The following ZNF518A variants were observed in gnomAD, a reference collection of about 807,000 sequenced individuals.
ZNF518A encodes zinc finger protein 518.
Under a neutral mutation model 102.7 loss-of-function variants are expected in ZNF518A, and 47 were observed. That is an observed-to-expected ratio of 0.46 (90% CI 0.36 to 0.58). The LOEUF (loss-of-function observed/expected upper bound fraction) is 0.58, where lower values mean the gene tolerates loss of function less well. Among genes scored for constraint, ZNF518A ranks in the 20% least tolerant of loss-of-function variants. The probability of loss-of-function intolerance (pLI) is 0.00; values close to 1 mark genes in which losing one functional copy is unlikely to be tolerated. For synonymous variants in ZNF518A, 652 were observed against 594.6 expected (o/e 1.10, Z -1.40); for missense variants, 1,793 against 1,699.8 (o/e 1.05, Z -0.96).
rs1554885007 is a variant in ZNF518A, at chr10:96,158,710, T to C, written c.2388T>C (p.Asp796=). The change falls in exon 6 of 6, where the codon GAT becomes GAC. Residue 796 remains aspartate (D), a synonymous_variant. Transcript: ENST00000316045. ...AGGATGTATTGAAAATAAAACCTGA[T>C]GTAAAACAAGACTCTAGTAACACTC... ...LLQDVLKIKP[D]VKQDSSNTPN... 1 of 1,613,450 alleles carries C rather than the reference T, an allele frequency of 6.2e-7. No homozygotes were observed.
chr10:96,131,538 C>G (rs782386560), intron 1 of ZNF518A, among the ~76,000 whole-genome samples: 9 of 152,090 alleles, frequency 5.9e-5, no homozygotes, highest in Non-Finnish European at 1.0e-4. Context: ...GCCATAGAAA[C>G]TGTAAATTAG....
downstream of ZNF518A, among the ~76,000 whole-genome samples, chr10:96,166,252 C>G (rs1306602039): frequency 2.6e-5 from 4 of 152,264 alleles, no homozygotes; most frequent in South Asian, 6.2e-4. Flanking sequence ...GGCTCACATA[C>G]CAGTCTCTGA....
intron 1 of ZNF518A, among the ~76,000 whole-genome samples, chr10:96,178,197 A>G (rs1250878241): frequency 1.3e-5 from 2 of 152,116 alleles, no homozygotes; most frequent in African/African-American, 4.8e-5. Context: ...TCCATGTAGA[A>G]CATCCACTAA....
At position 96,130,644 on chromosome 10, in the gene ZNF518A, G is replaced by C. The variant is rs587758274; in HGVS notation, c.-561G>C. On this transcript the variant is annotated 5_prime_UTR_variant, in exon 1 of 6. Transcript: ENST00000316045. ...CCTCGAGCTATAGGTTCGCAGGCCCGACTCGACGGCGTCCCTATTGCTGGC... is the reference window on the plus strand; with the variant it reads ...CCTCGAGCTATAGGTTCGCAGGCCCCACTCGACGGCGTCCCTATTGCTGGC... 2 of 152,470 alleles carry C rather than the reference G, an allele frequency of 1.3e-5. No individual in the cohort carries two copies. The highest frequency in any genetic ancestry group is 2.9e-5 in the Non-Finnish European group (2 of 68,138). The allele number at this position is 152,470 out of a possible 1,614,324, so 9.4% of individuals were successfully genotyped here. A position where few individuals can be genotyped will look rare whatever the true frequency, so the allele number is the denominator to read the frequency against.
chr10:96,157,157 A>C lies in ZNF518A; in HGVS notation c.835A>C (p.Arg279=), dbSNP rs2082733069. Residue 279 remains arginine, a synonymous_variant, in exon 6 of 6, where the codon AGA becomes CGA. Transcript: ENST00000316045. ...YGATRREHLV[R]HVITLHKEHL... ...TGCCACCAGGAGAGAACACCTTGTA[A>C]GACATGTTATAACTTTGCACAAAGA... The C allele has an allele frequency of 6.2e-7, 1 of 1,613,534 alleles. No individual in the cohort carries two copies. The highest frequency in any genetic ancestry group is 8.5e-7 in the Non-Finnish European group (1 of 1,179,728).
At chr10:96,182,405 G>T (rs1171109426) in intron 1 of ZNF518A, among the ~76,000 whole-genome samples, 1 of 152,160 alleles carries the variant, frequency 6.6e-6, no homozygotes, top group Non-Finnish European at 1.5e-5. Flanking sequence ...TCCCTGTCTT[G>T]TGCCAGTTTT....
intron 1 of ZNF518A, among the ~76,000 whole-genome samples, chr10:96,186,540 G>A (rs1158889464): frequency 1.3e-5 from 2 of 152,088 alleles, no homozygotes; most frequent in African/African-American, 2.4e-5. Flanking sequence ...TGGGACTACA[G>A]GTATGTACCA....
Position 96,150,435 on chromosome 10 carries a change from AT to A in ZNF518A, c.-301-4886del, listed in dbSNP as rs587601068. Among the ~76,000 whole-genome samples, 250 of 150,176 alleles carry A rather than the reference AT, an allele frequency of 1.7e-3. 1 individual carries two copies. Among genetic ancestry groups the A allele is most frequent in the South Asian group, 7.9e-3 (38 of 4,788 alleles). On this transcript the variant is annotated intron_variant, in intron 3 of 5. Coordinates refer to ENST00000316045, the MANE Select transcript of ZNF518A (RefSeq NM_001330736.2). ...TACCCACCTTTTTGGATAGCATTTC[AT>A]TTTTATCTTTTAAGCTAGAAATTTT...
Position 96,159,123 on chromosome 10 carries a change from C to G in ZNF518A, c.2801C>G (p.Thr934Ser). 6.2e-7 allele frequency: 1 copy of G among 1,611,982 alleles called. No homozygotes were observed. The highest frequency in any genetic ancestry group is 2.2e-5 in the East Asian group (1 of 44,888). ...SEQKKTIIVQ[T>S]SKGFLIPLNI... ...CAAAAAAAAACTATAATTGTTCAGA[C>G]TTCAAAAGGATTCTTAATACCATTG... Residue 934 changes from threonine (T) to serine (S), a missense_variant, in exon 6 of 6, where the codon ACT (threonine) becomes AGT (serine). Coordinates refer to ENST00000316045, the MANE Select transcript of ZNF518A (RefSeq NM_001330736.2).
chr10:96,168,767 C>G (rs1554890629), intron 1 of ZNF518A, among the ~76,000 whole-genome samples: 1 of 152,160 alleles, frequency 6.6e-6, no homozygotes, highest in Non-Finnish European at 1.5e-5. Flanking sequence ...TCACTTCTTT[C>G]TGTCTTGCTG....
rs1438412796 is a variant in ZNF518A at position 96,157,654 on chromosome 10, T to C, written c.1332T>C (p.Phe444=). 1 of 1,613,750 alleles carries C rather than the reference T, an allele frequency of 6.2e-7. No individual in the cohort carries two copies. Among genetic ancestry groups the C allele is most frequent in the Non-Finnish European group, 8.5e-7 (1 of 1,179,798 alleles). The change falls in exon 6 of 6, where the codon TTT becomes TTC. Residue 444 remains phenylalanine, a synonymous_variant. Coordinates refer to ENST00000316045, the MANE Select transcript of ZNF518A (RefSeq NM_001330736.2). ...LAVSPNYNAT[F]MGFKMMDGKQ... ...TTTCCCCTAACTATAATGCTACGTT[T>C]ATGGGCTTCAAGATGATGGATGGAA...
At chr10:96,130,843 A>T (rs17385450) in intron 1 of ZNF518A, 91 bp downstream of exon 1, 1 of 152,226 alleles carries the variant, frequency 6.6e-6, no homozygotes, top group Admixed American at 6.5e-5. Flanking sequence ...TTTTGACTCT[A>T]TTCGTTACAT....
chr10:96,147,715 C>CT (rs782383545), intron 3 of ZNF518A, among the ~76,000 whole-genome samples: 6 of 151,964 alleles, frequency 3.9e-5, no homozygotes, highest in Non-Finnish European at 5.9e-5. Flanking sequence ...GTTTTCTGAC[C>CT]TTTTTTGTTT....
At chr10:96,167,359 C>G (rs1320237579), downstream of ZNF518A, among the ~76,000 whole-genome samples, 1 of 152,116 alleles carries the variant, frequency 6.6e-6, no homozygotes, top group Non-Finnish European at 1.5e-5. Context: ...GAGGCTGAGG[C>G]AGGAGAATCG....
At chr10:96,165,414 C>T (rs918967812), downstream of ZNF518A, among the ~76,000 whole-genome samples, 45 of 148,230 alleles carry the variant, frequency 3.0e-4, no homozygotes, top group Non-Finnish European at 6.1e-4. Flanking sequence ...GCCAGTAAGA[C>T]CCGTCTATAA....
intron 3 of ZNF518A, among the ~76,000 whole-genome samples, chr10:96,136,407 C>T (rs587745573): frequency 3.3e-5 from 5 of 149,656 alleles, no homozygotes; most frequent in East Asian, 2.1e-4. Flanking sequence ...TTATTTATTT[C>T]TTCTTACCTT....
At position 96,196,895 on chromosome 10, in the gene ZNF518A, A is replaced by G. The variant is rs782179925; in HGVS notation, n.36-6679A>G. The G allele has an allele frequency of 1.9e-6, 3 of 1,612,286 alleles. No individual in the cohort carries two copies. The highest frequency in any genetic ancestry group is 1.6e-4 in the Middle Eastern group (1 of 6,074). On this transcript the variant is annotated intron_variant and non_coding_transcript_variant, in intron 1 of 2. Transcript: ENST00000442635. The stretch of plus-strand genomic sequence containing the variant: ...CATAGTTATAGAATTGAATTTAAAA[A>G]GAAATCACTGACCTCTTCACCATTT...
intron 1 of ZNF518A, among the ~76,000 whole-genome samples, chr10:96,194,768 A>ATTTTTTTTTTTTTTTTTTT (rs71034364): frequency 5.4e-5 from 6 of 110,280 alleles, no homozygotes; most frequent in South Asian, 3.2e-4. Context: ...AGAAATGCAA[A>ATTTTTTTTTTTTTTTTTTT]TTTTTTTTTT....
chr10:96,195,632 G>A (rs1457947289), intron 1 of ZNF518A, among the ~76,000 whole-genome samples: 1 of 152,164 alleles, frequency 6.6e-6, no homozygotes, highest in Non-Finnish European at 1.5e-5. Flanking sequence ...ATAGAACGTG[G>A]TTGCTAGGGG....
Sources: allele counts gnomAD v4.1 joint callset (sites outside exome capture counted in the v4.1 genomes callset), GRCh38; gene constraint gnomAD v4.1.1; transcripts MANE v1.5; gene names NCBI Gene and HGNC (gene_info 2026-07-23, HGNC 2026-07-21).